The following LMTK3 variants were observed in gnomAD, a reference collection of about 807,000 sequenced individuals.
LMTK3 encodes the protein serine/threonine-protein kinase LMTK3.
LMTK3 carries 27 observed loss-of-function variants against 116.7 expected under a neutral mutation model. The ratio of observed to expected loss-of-function variants is 0.23; its 90% confidence interval spans 0.17 to 0.32. LMTK3 has a LOEUF of 0.32. LMTK3 is among the 10% of genes least tolerant of loss of function. The pLI is 1.00. For missense variants in LMTK3, 1,764 were observed against 2,068.5 expected (o/e 0.85, Z 2.86); for synonymous variants, 965 against 971.0 (o/e 0.99, Z 0.11).
At position 48,498,418 on chromosome 19, in the gene LMTK3, T is replaced by TCC. The variant is rs1338466087; in HGVS notation, c.2649_2650dup (p.Glu884GlyfsTer21). ...TCTCCCCGCCTTCCTGGGTCCTGTCTCCCGGGCTGTCGCCCCCTTCTCCCC... is the reference window on the plus strand; with the variant it reads ...TCTCCCCGCCTTCCTGGGTCCTGTCTCCCCCGGGCTGTCGCCCCCTTCTCCCC... On this transcript the variant is annotated frameshift_variant, in exon 11 of 15. Coordinates refer to ENST00000600059, the MANE Select transcript of LMTK3 (RefSeq NM_001388485.1). LOFTEE classifies it high-confidence loss of function. The TCC allele has an allele frequency of 6.2e-7, 1 of 1,607,730 alleles. No individual in the cohort carries two copies. The highest frequency in any genetic ancestry group is 1.3e-5 in the African/African-American group (1 of 74,758).
chr19:48,498,023 C>T lies in LMTK3; in HGVS notation c.3046G>A (p.Glu1016Lys). 2 of 1,612,930 alleles carry T rather than the reference C, an allele frequency of 1.2e-6. No individual in the cohort carries two copies. Among genetic ancestry groups the T allele is most frequent in the South Asian group, 1.1e-5 (1 of 91,052 alleles). ...NGGLRFPRNT[E>K]RPPETGPWRA... The stretch of plus-strand genomic sequence containing the variant: ...CAAGGCCCAGTCTCTGGTGGCCTCT[C>T]CGTGTTCCTGGGGAATCTCAGGCCC... The change falls in exon 11 of 15, where the codon GAG (glutamate) becomes AAG (lysine). Residue 1016 changes from glutamate to lysine, a missense_variant. Transcript: ENST00000600059.
At chr19:48,505,377 G>T (rs1972551278) in intron 5 of LMTK3, among the ~76,000 whole-genome samples, 1 of 151,816 alleles carries the variant, frequency 6.6e-6, no homozygotes, top group African/African-American at 2.4e-5. Flanking sequence ...GCCTCTCAAA[G>T]TACTGAGATT....
Position 48,510,007 on chromosome 19 carries a change from T to A in LMTK3, c.361+16A>T. 6.8e-6 allele frequency: 11 copies of A among 1,612,476 alleles called. No homozygotes were observed. Among genetic ancestry groups the A allele is most frequent in the Non-Finnish European group, 8.5e-6 (10 of 1,178,830 alleles). On this transcript the variant is annotated intron_variant, in intron 3 of 14. Transcript: ENST00000600059. ...CCGGGACACCATGGGATGCTGGTCA[T>A]GGCGTGGGGCAGTACCTGAGTGTGA...
chr19:48,490,428 A>C (rs1412140406), intron 14 of LMTK3, among the ~76,000 whole-genome samples: 1 of 151,156 alleles, frequency 6.6e-6, no homozygotes, highest in East Asian at 2.0e-4. Flanking sequence ...TGGGCGGCTG[A>C]GACACGAGAA....
At chr19:48,502,334 C>T (rs1369823301) in intron 7 of LMTK3, 99 bp downstream of exon 7, 80 of 1,399,360 alleles carry the variant, frequency 5.7e-5, no homozygotes, top group Non-Finnish European at 7.6e-5. Context: ...TTGTGTCAGC[C>T]AGTCATGGGT....
Position 48,501,576 on chromosome 19 carries a change from G to C in LMTK3, c.795-14C>G. On this transcript the variant is annotated splice_polypyrimidine_tract_variant and intron_variant, in intron 7 of 14. Transcript: ENST00000600059. The stretch of plus-strand genomic sequence containing the variant: ...AGGGCCAGGTCGCTGCGGGAAGAAC[G>C]CGAGGAGGTGAGCGCAGGGGCAGCC... 6.3e-7 allele frequency: 1 copy of C among 1,596,592 alleles called. No homozygotes were observed. The highest frequency in any genetic ancestry group is 8.5e-7 in the Non-Finnish European group (1 of 1,174,176).
At position 48,509,490 on chromosome 19, in the gene LMTK3, T is replaced by G; in HGVS notation, c.385A>C (p.Ser129Arg). Reference protein sequence around the residue: ...HSDMTTPLGLSRQHLSYLQEI... With the variant: ...HSDMTTPLGLRRQHLSYLQEI... ...TGCAGGTAGCTCAGGTGCTGCCGGCTAAGGCCCAGGGGGGTGGTCATGTCT... is the reference window on the plus strand; with the variant it reads ...TGCAGGTAGCTCAGGTGCTGCCGGCGAAGGCCCAGGGGGGTGGTCATGTCT... The change falls in exon 4 of 15, where the codon AGC (serine) becomes CGC (arginine). Residue 129 changes from serine (S) to arginine (R), a missense_variant. Ser to Arg is a moderately radical substitution (Grantham distance 110). This residue lies in a region of LMTK3 where 271 missense variants were observed against 478.2 expected (regional missense o/e 0.57). Coordinates refer to ENST00000600059, the MANE Select transcript of LMTK3 (RefSeq NM_001388485.1). 2.6e-6 allele frequency: 4 copies of G among 1,559,644 alleles called. No homozygotes were observed. Among genetic ancestry groups the G allele is most frequent in the Non-Finnish European group, 3.5e-6 (4 of 1,150,890 alleles).
At chr19:48,490,158 G>T (rs146812579) in intron 14 of LMTK3, among the ~76,000 whole-genome samples, 69 of 152,304 alleles carry the variant, frequency 4.5e-4, no homozygotes, top group Non-Finnish European at 6.2e-4. Flanking sequence ...CAGACTCAGA[G>T]GCCGCGCAAC....
At chr19:48,486,146 G>C (rs1189236014) in intron 14 of LMTK3, among the ~76,000 whole-genome samples, 1 of 120,088 alleles carries the variant, frequency 8.3e-6, no homozygotes, top group Non-Finnish European at 1.6e-5. Context: ...TGCAAGCTCC[G>C]CCTCCCGGGT....
intron 14 of LMTK3, among the ~76,000 whole-genome samples, chr19:48,487,427 G>A (rs535057538): frequency 1.3e-5 from 2 of 152,186 alleles, no homozygotes; most frequent in African/African-American, 2.4e-5. Context: ...TGCCCGCCTT[G>A]GTCTCACAAA....
At chr19:48,489,836 C>T (rs532278661) in intron 14 of LMTK3, among the ~76,000 whole-genome samples, 1 of 152,286 alleles carries the variant, frequency 6.6e-6, no homozygotes, top group East Asian at 1.9e-4. Context: ...GTGAAACCCT[C>T]CAGTGGCGTC....
At chr19:48,505,103 C>CTTTTTTTTTTT (rs33927563) in intron 5 of LMTK3, among the ~76,000 whole-genome samples, 1 of 55,572 alleles carries the variant, frequency 1.8e-5, no homozygotes, top group Non-Finnish European at 2.9e-5. Context: ...CTCTCTCTCT[C>CTTTTTTTTTTT]TTTTTTTTTT....
chr19:48,500,158 C>G lies in LMTK3; in HGVS notation c.1152-241G>C, dbSNP rs1972437661. Among the ~76,000 whole-genome samples, 1 of 151,082 alleles carries G rather than the reference C, an allele frequency of 6.6e-6. No homozygotes were observed. On this transcript the variant is annotated intron_variant, in intron 10 of 14. Coordinates refer to ENST00000600059, the MANE Select transcript of LMTK3 (RefSeq NM_001388485.1). The surrounding 1 kb of genome is among the most constrained non-coding windows in gnomAD (Gnocchi z 4.0). ...GGACAGAGATCCAGGCGTGGTGGCT[C>G]ACGCCTGTAATCCCAGCACTTTGGG...
chr19:48,488,686 C>T (rs1485314200), intron 14 of LMTK3, among the ~76,000 whole-genome samples: 2 of 152,116 alleles, frequency 1.3e-5, no homozygotes, highest in East Asian at 3.8e-4. Flanking sequence ...CATCCCCTTC[C>T]CCTTCACCTA....
rs565546517 is a variant in LMTK3 at position 48,487,870 on chromosome 19, T to G, written c.4367-2081A>C. On this transcript the variant is annotated intron_variant, in intron 14 of 14. Transcript: ENST00000600059. ...CTTTTAATGGGAAGCATGACCTTCA[T>G]GCTTCATGGAGACTTTGGGGTATGT... Among the ~76,000 whole-genome samples, 6 of 152,232 alleles carry G rather than the reference T, an allele frequency of 3.9e-5. No homozygotes were observed. The East Asian group carries it at 9.7e-4, about 25-fold the overall frequency.
In LMTK3 at chr19:48,498,801, C is replaced by CGG; in HGVS notation, c.2266_2267dup (p.Pro757ArgfsTer102). On this transcript the variant is annotated frameshift_variant, in exon 11 of 15. Coordinates refer to ENST00000600059, the MANE Select transcript of LMTK3 (RefSeq NM_001388485.1). LOFTEE classifies it high-confidence loss of function. ...CCGCGGGGGCCCGAGGAGGTGGCGG[C>CGG]GGGGGGGGGGGAGCGGGAGGTGGCC... 1.0e-4 allele frequency: 31 copies of CGG among 297,994 alleles called. No individual in the cohort carries two copies. The highest frequency in any genetic ancestry group is 1.3e-4 in the Non-Finnish European group (27 of 204,008). 18.5% of individuals were successfully genotyped at this position (297,994 alleles called of 1,614,324 possible).
chr19:48,487,570 A>C (rs1972147179), intron 14 of LMTK3, among the ~76,000 whole-genome samples: 1 of 152,166 alleles, frequency 6.6e-6, no homozygotes, highest in South Asian at 2.1e-4. Flanking sequence ...TGTCCCCAGC[A>C]TCCCGTCTGG....
Position 48,510,603 on chromosome 19 carries a change from AGGGCT to A in LMTK3, c.77-16_77-12del. 6.5e-7 allele frequency: 1 copy of A among 1,544,034 alleles called. No individual in the cohort carries two copies. The highest frequency in any genetic ancestry group is 2.3e-5 in the Admixed American group (1 of 43,184). On this transcript the variant is annotated splice_polypyrimidine_tract_variant and intron_variant, in intron 1 of 14. Transcript: ENST00000600059. ...CCAGGGCGAATCCATCTGTGGGCAC[AGGGCT>A]GGGCTGGGGTCCCAGCTTCAAGTCC...
At chr19:48,489,724 A>C (rs1312245723) in intron 14 of LMTK3, among the ~76,000 whole-genome samples, 1 of 152,232 alleles carries the variant, frequency 6.6e-6, no homozygotes, top group Admixed American at 6.5e-5. Context: ...TCTACAGATG[A>C]GGGAACTGAA....
Sources: allele counts gnomAD v4.1 joint callset (sites outside exome capture counted in the v4.1 genomes callset), GRCh38; gene constraint gnomAD v4.1.1; regional missense constraint gnomAD v4.1.1; non-coding constraint Gnocchi (gnomAD v3.1); transcripts MANE v1.5; gene names NCBI Gene and HGNC (gene_info 2026-07-23, HGNC 2026-07-21).